The following FRK variants were observed in gnomAD, a reference collection of about 807,000 sequenced individuals.
The protein encoded by FRK is tyrosine-protein kinase FRK.
Under a neutral mutation model 56.4 loss-of-function variants are expected in FRK, and 51 were observed. That is an observed-to-expected ratio of 0.90 (90% CI 0.72 to 1.14). The LOEUF is 1.14. Among genes scored for constraint, FRK ranks in the 50% most tolerant of loss-of-function variants. The probability of loss-of-function intolerance (pLI) is 0.00; values close to 1 mark genes in which losing one functional copy is unlikely to be tolerated. For missense variants in FRK, 570 were observed against 601.4 expected, an observed-to-expected ratio of 0.95 and a Z score of 0.55; for synonymous variants, 245 against 217.9, an observed-to-expected ratio of 1.12 and a Z score of -1.10.
chr6:115,997,085 T>C (rs1774869237), intron 2 of FRK, among the ~76,000 whole-genome samples: 1 of 152,212 alleles, frequency 6.6e-6, no homozygotes, highest in Admixed American at 6.6e-5. Context: ...GTATCAAAGC[T>C]GCCCTTAATG....
At chr6:116,006,521 A>C (rs539693500) in intron 1 of FRK, among the ~76,000 whole-genome samples, 2 of 152,374 alleles carry the variant, frequency 1.3e-5, no homozygotes, top group African/African-American at 2.4e-5. Flanking sequence ...TCTAGACTAC[A>C]TGCTGTATGA....
the FRK span, among the ~76,000 whole-genome samples, chr6:116,071,348 C>T: frequency 6.6e-6 from 1 of 152,140 alleles, no homozygotes; most frequent in Admixed American, 6.6e-5. Context: ...ATTTTCACAC[C>T]TTCACAGTCA....
At chr6:115,946,857 G>A (rs1220711685) in intron 5 of FRK, among the ~76,000 whole-genome samples, 1 of 152,152 alleles carries the variant, frequency 6.6e-6, no homozygotes, top group Non-Finnish European at 1.5e-5. Flanking sequence ...AGTCCATGAA[G>A]AAAAGGACTA....
chr6:116,089,299 A>G, the FRK span, among the ~76,000 whole-genome samples: 3 of 152,242 alleles, frequency 2.0e-5, no homozygotes, highest in Admixed American at 2.0e-4. Flanking sequence ...CCACTCAGAA[A>G]GCAGCAATAG....
intron 1 of FRK, among the ~76,000 whole-genome samples, chr6:116,015,658 A>G (rs1050138089): frequency 3.9e-5 from 6 of 152,196 alleles, no homozygotes; most frequent in Non-Finnish European, 8.8e-5. Context: ...AGTAATATGG[A>G]CAATGAATTC....
chr6:115,995,737 A>G (rs1774816051), intron 2 of FRK, among the ~76,000 whole-genome samples: 1 of 152,170 alleles, frequency 6.6e-6, no homozygotes, highest in African/African-American at 2.4e-5. Flanking sequence ...ATCTGCATGT[A>G]TATGTGTGTG....
chr6:116,030,682 C>T (rs1776277424), intron 1 of FRK, among the ~76,000 whole-genome samples: 1 of 152,146 alleles, frequency 6.6e-6, no homozygotes, highest in African/African-American at 2.4e-5. Flanking sequence ...TTGCTTTCCC[C>T]ATACCTCACC....
chr6:116,052,539 T>C (rs1777219414), intron 1 of FRK, among the ~76,000 whole-genome samples: 1 of 152,144 alleles, frequency 6.6e-6, no homozygotes, highest in South Asian at 2.1e-4. Context: ...ATCCATAGTT[T>C]ACAGCACTGC....
intron 2 of FRK, among the ~76,000 whole-genome samples, chr6:115,987,295 G>C (rs1774431787): frequency 6.6e-6 from 1 of 151,900 alleles, no homozygotes. Flanking sequence ...GAGAGGCTAA[G>C]TGACTTGCCT....
At chr6:116,055,535 G>T (rs1382812434) in intron 1 of FRK, among the ~76,000 whole-genome samples, 7 of 152,238 alleles carry the variant, frequency 4.6e-5, no homozygotes, top group Admixed American at 6.5e-5. Context: ...TCGTAGGTCA[G>T]TATGGGTGGC....
At chr6:116,080,166 T>TTTG in the FRK span, among the ~76,000 whole-genome samples, 11 of 149,286 alleles carry the variant, frequency 7.4e-5, no homozygotes, top group African/African-American at 2.7e-4. Context: ...AAAAAGCCTT[T>TTTG]TTGTTTGTTT....
At chr6:116,015,509 T>A (rs1775616193) in intron 1 of FRK, among the ~76,000 whole-genome samples, 1 of 152,080 alleles carries the variant, frequency 6.6e-6, no homozygotes, top group South Asian at 2.1e-4. Flanking sequence ...AAAGAAAAAC[T>A]GAAAATGTGG....
chr6:116,082,689 G>C, the FRK span, among the ~76,000 whole-genome samples: 2 of 152,268 alleles, frequency 1.3e-5, no homozygotes, highest in East Asian at 3.9e-4. Context: ...AAAGACTATG[G>C]ATACAGCAGG....
chr6:115,932,217 TGAG>T lies in FRK; in HGVS notation c.*10194_*10196del, dbSNP rs1771969418. On this transcript the variant is annotated 3_prime_UTR_variant, in exon 8 of 8. Coordinates refer to ENST00000606080, the MANE Select transcript of FRK (RefSeq NM_002031.3). ...ATATTTCTAAATTTCATAAATAACT[TGAG>T]AGGCCTACTAACATCACTTTCTTAA... 1 of 152,206 alleles carries T rather than the reference TGAG, an allele frequency of 6.6e-6. No homozygotes were observed. The highest frequency in any genetic ancestry group is 1.5e-5 in the Non-Finnish European group (1 of 68,034). 9.4% of individuals were successfully genotyped at this position (152,206 alleles called of 1,614,324 possible).
intron 3 of FRK, among the ~76,000 whole-genome samples, chr6:115,968,271 C>T (rs1345544490): frequency 2.6e-5 from 4 of 152,156 alleles, no homozygotes; most frequent in Non-Finnish European, 4.4e-5. Context: ...CCCCTGCCTT[C>T]CTAGAACTCA....
intron 5 of FRK, among the ~76,000 whole-genome samples, chr6:115,949,886 C>A (rs994079360): frequency 6.6e-6 from 1 of 152,174 alleles, no homozygotes; most frequent in African/African-American, 2.4e-5. Flanking sequence ...CACACATCTA[C>A]AACCATCTGA....
intron 5 of FRK, among the ~76,000 whole-genome samples, chr6:115,945,540 A>G (rs904174406): frequency 3.3e-5 from 5 of 152,084 alleles, no homozygotes; most frequent in African/African-American, 9.7e-5. Context: ...TTATTACTCA[A>G]CTGCTACTGA....
chr6:116,007,691 G>A (rs911810616), intron 1 of FRK, among the ~76,000 whole-genome samples: 8 of 152,124 alleles, frequency 5.3e-5, no homozygotes, highest in African/African-American at 9.7e-5. Flanking sequence ...CCTTCAGGTT[G>A]TAAAGCTGAA....
At chr6:116,005,273 A>T (rs1455100987) in intron 1 of FRK, among the ~76,000 whole-genome samples, 1 of 152,182 alleles carries the variant, frequency 6.6e-6, no homozygotes, top group Non-Finnish European at 1.5e-5. Context: ...CAAAAATCTC[A>T]GTGGTTTAAG....
Sources: gnomAD v4.1 joint callset for allele counts (sites outside exome capture counted in the v4.1 genomes callset) on GRCh38, gnomAD v4.1.1 for gene constraint, MANE v1.5 for transcripts, NCBI Gene and HGNC (gene_info 2026-07-23, HGNC 2026-07-21) for gene names.